The following CLOCK variants were observed in gnomAD, a reference collection of about 807,000 sequenced individuals.
CLOCK encodes circadian locomoter output cycles protein kaput.
Under a neutral mutation model 118.4 loss-of-function variants are expected in CLOCK, and 43 were observed. That is an observed-to-expected ratio of 0.36 (90% CI 0.28 to 0.47). The LOEUF (loss-of-function observed/expected upper bound fraction) is 0.47. Ranked by LOEUF, CLOCK falls within the 20% of genes least tolerant of loss-of-function variation. The pLI, the probability that CLOCK is intolerant of heterozygous loss-of-function variation, is 1.00. For missense variants in CLOCK, 846 were observed against 999.9 expected (o/e 0.85, Z 2.08); for synonymous variants, 326 against 339.2 (o/e 0.96, Z 0.43).
intron 17 of CLOCK, among the ~76,000 whole-genome samples, chr4:55,449,171 TA>T (rs5858334): frequency 0.68 from 101,407 of 148,266 alleles, 34,564 homozygotes; most frequent in South Asian, 0.81. Flanking sequence ...TTTCCACAAT[TA>T]AAAAAAAAAA....
chr4:55,545,248 C>T (rs1280070148), intron 1 of CLOCK, among the ~76,000 whole-genome samples: 1 of 152,076 alleles, frequency 6.6e-6, no homozygotes, highest in Non-Finnish European at 1.5e-5. Flanking sequence ...CCACTTATCA[C>T]AGGAATTAAT....
chr4:55,438,395 T>G lies in CLOCK; in HGVS notation c.2248A>C (p.Thr750Pro). 1 of 1,613,944 alleles carries G rather than the reference T, an allele frequency of 6.2e-7. No individual in the cohort carries two copies. Among genetic ancestry groups the G allele is most frequent in the Non-Finnish European group, 8.5e-7 (1 of 1,180,010 alleles). Residue 750 changes from threonine to proline, a missense_variant, in exon 22 of 23, where the codon ACA becomes CCA. By Grantham distance (38) the Thr-to-Pro change is conservative. This residue lies in a region of CLOCK where 520 missense variants were observed against 558.0 expected (regional missense o/e 0.93). Coordinates refer to ENST00000513440, the MANE Select transcript of CLOCK (RefSeq NM_004898.4). ...TGCTGCTGCTGCGTTACTGACAATG[T>G]CTGTGACTGTTGCTGTTGTGTAGCA... ...TFATQQQQSQ[T>P]LSVTQQQQQQ...
chr4:55,478,659 T>C (rs369275813), intron 6 of CLOCK, among the ~76,000 whole-genome samples, 156 bp downstream of exon 6: 4 of 152,164 alleles, frequency 2.6e-5, no homozygotes, highest in African/African-American at 4.8e-5. Flanking sequence ...TAAATGTTTG[T>C]TGAATGAAAG....
At chr4:55,448,601 C>CGCGCGT (rs764071880) in intron 18 of CLOCK, among the ~76,000 whole-genome samples, 178 bp downstream of exon 18, 5,005 of 116,726 alleles carry the variant, frequency 0.043, 129 homozygotes, top group South Asian at 0.078. Flanking sequence ...CGCACGCGCG[C>CGCGCGT]GTGTGTGTGT....
At chr4:55,463,396 T>A (rs1522111) in intron 9 of CLOCK, among the ~76,000 whole-genome samples, 104,669 of 151,960 alleles carry the variant, frequency 0.69, 36,323 homozygotes, top group South Asian at 0.81. Flanking sequence ...AATTAATAAC[T>A]ATATATTGCC....
intron 2 of CLOCK, among the ~76,000 whole-genome samples, chr4:55,492,181 GAT>G (rs1208494000): frequency 1.8e-4 from 27 of 152,192 alleles, no homozygotes; most frequent in Non-Finnish European, 3.1e-4. Context: ...AAATTAAAAG[GAT>G]TATACCACAT....
At chr4:55,530,347 GA>G (rs1730457618) in intron 1 of CLOCK, among the ~76,000 whole-genome samples, 1 of 152,056 alleles carries the variant, frequency 6.6e-6, no homozygotes, top group Non-Finnish European at 1.5e-5. Flanking sequence ...TTGTAAGAGA[GA>G]ATTAATTTGA....
intron 8 of CLOCK, among the ~76,000 whole-genome samples, chr4:55,465,144 A>G (rs887239689): frequency 1.3e-5 from 2 of 152,222 alleles, no homozygotes; most frequent in African/African-American, 4.8e-5. Context: ...AACAAAAAAC[A>G]GATGGTTGTG....
At chr4:55,473,682 G>A (rs1726298503) in intron 7 of CLOCK, among the ~76,000 whole-genome samples, 1 of 152,100 alleles carries the variant, frequency 6.6e-6, no homozygotes, top group Non-Finnish European at 1.5e-5. Context: ...TTCACAAAGT[G>A]AAGGTTTGTA....
At chr4:55,542,370 ATAATAATAATATTATTATTAT>A (rs1288550528) in intron 1 of CLOCK, among the ~76,000 whole-genome samples, 2 of 109,684 alleles carry the variant, frequency 1.8e-5, no homozygotes, top group Non-Finnish European at 3.7e-5. Flanking sequence ...AATAATAATA[ATAATAATAATATTATTATTAT>A]TATTATTATT....
chr4:55,455,408 T>C (rs1724851977), intron 13 of CLOCK, among the ~76,000 whole-genome samples: 1 of 152,140 alleles, frequency 6.6e-6, no homozygotes, highest in African/African-American at 2.4e-5. Context: ...AGATAATAGA[T>C]GTAAAGTGTT....
At chr4:55,475,605 C>A (rs943267978) in intron 7 of CLOCK, among the ~76,000 whole-genome samples, 2 of 152,094 alleles carry the variant, frequency 1.3e-5, no homozygotes, top group African/African-American at 4.8e-5. Context: ...CCGTAGCCAC[C>A]CCAACCTTCA....
Position 55,458,950 on chromosome 4 carries a change from T to A in CLOCK, c.734A>T (p.Tyr245Phe). ...AGCTACAAAACAAACTCTATCTTCA[T>A]AAGATGGCCTATGTGTGCGTTGTAT... ...GTIQRTHRPS[Y>F]EDRVCFVATV... Residue 245 changes from tyrosine (Y) to phenylalanine (F), a missense_variant, in exon 11 of 23, where the codon TAT (tyrosine) becomes TTT (phenylalanine). This residue lies in a region of CLOCK where 246 missense variants were observed against 300.2 expected (regional missense o/e 0.82). Transcript: ENST00000513440. The A allele has an allele frequency of 6.2e-7, 1 of 1,613,982 alleles. No individual in the cohort carries two copies. Among genetic ancestry groups the A allele is most frequent in the East Asian group, 2.2e-5 (1 of 44,828 alleles).
At position 55,454,613 on chromosome 4, in the gene CLOCK, CAAA is replaced by C. The variant is rs10566273; in HGVS notation, c.983-792_983-790del. 3.0e-3 allele frequency among the ~76,000 whole-genome samples: 205 copies of C among 69,486 alleles called. 1 individual carries two copies. The highest frequency in any genetic ancestry group is 0.012 in the African/African-American group (196 of 16,274). 45.6% of individuals were successfully genotyped at this position (69,486 alleles called of 152,430 possible). Reference sequence around the variant, plus strand: ...TGGGTGACAAAGCAGGACTCCATCCCAAAAAAAAAAAAAAAAAAAAAAAAAGGG... The same window carrying C: ...TGGGTGACAAAGCAGGACTCCATCCCAAAAAAAAAAAAAAAAAAAAAAGGG... On this transcript the variant is annotated intron_variant, in intron 13 of 22. Transcript: ENST00000513440.
rs73153675 is a variant in CLOCK at position 55,513,238 on chromosome 4, T to C, written c.-289-3173A>G. ...TTCTACATTCAGATACACAAACTCT[T>C]ACTGTTATATTAAAATTACCTATAG... On this transcript the variant is annotated intron_variant, in intron 1 of 22. Coordinates refer to ENST00000513440, the MANE Select transcript of CLOCK (RefSeq NM_004898.4). Among the ~76,000 whole-genome samples, 608 of 151,162 alleles carry C rather than the reference T, an allele frequency of 4.0e-3. 4 individuals carry two copies. Among genetic ancestry groups the C allele is most frequent in the African/African-American group, 0.014 (580 of 40,542 alleles).
chr4:55,505,979 G>A (rs1473892102), intron 2 of CLOCK, among the ~76,000 whole-genome samples: 1 of 151,604 alleles, frequency 6.6e-6, no homozygotes, highest in African/African-American at 2.4e-5. Context: ...TAACAACAAG[G>A]ATATTCTCTT....
At chr4:55,544,339 T>C (rs1030561360) in intron 1 of CLOCK, among the ~76,000 whole-genome samples, 2 of 152,176 alleles carry the variant, frequency 1.3e-5, no homozygotes, top group Non-Finnish European at 2.9e-5. Flanking sequence ...CATAATTGTT[T>C]GTCATGAAAC....
intron 2 of CLOCK, among the ~76,000 whole-genome samples, chr4:55,507,494 T>G (rs962377675): frequency 1.3e-5 from 2 of 151,952 alleles, no homozygotes; most frequent in African/African-American, 2.4e-5. Flanking sequence ...ATGCTTGTAG[T>G]CCCAGCTACT....
At chr4:55,529,140 C>A (rs751097799) in intron 1 of CLOCK, among the ~76,000 whole-genome samples, 4 of 152,190 alleles carry the variant, frequency 2.6e-5, no homozygotes, top group Admixed American at 1.3e-4. Flanking sequence ...TAGAAAAAGA[C>A]CAAGATAAAG....
Sources: gnomAD v4.1 joint callset for allele counts (sites outside exome capture counted in the v4.1 genomes callset) on GRCh38, gnomAD v4.1.1 for gene constraint, gnomAD v4.1.1 regional missense constraint, MANE v1.5 for transcripts, NCBI Gene and HGNC (gene_info 2026-07-23, HGNC 2026-07-21) for gene names.